Variants in ZFAT observed in about 807,000 individuals in gnomAD.
The protein encoded by ZFAT is zinc finger protein ZFAT.
In ZFAT, 64 loss-of-function variants were observed where a neutral mutation model predicts 117.7. The ratio of observed to expected loss-of-function variants is 0.54; its 90% CI spans 0.44 to 0.67. The LOEUF (loss-of-function observed/expected upper bound fraction) is 0.67, where lower values mean the gene tolerates loss of function less well. Among genes scored for constraint, ZFAT ranks in the 30% least tolerant of loss-of-function variants. The probability of loss-of-function intolerance (pLI) is 0.00; values close to 1 mark genes in which losing one functional copy is unlikely to be tolerated. For synonymous variants in ZFAT, 679 were observed against 615.0 expected (o/e 1.10, Z -1.54); for missense variants, 1,433 against 1,584.5 (o/e 0.90, Z 1.62).
At chr8:134,745,057 G>A in the ZFAT span, among the ~76,000 whole-genome samples, 10 of 152,058 alleles carry the variant, frequency 6.6e-5, no homozygotes, top group South Asian at 4.2e-4. Context: ...GTAAGGGCTC[G>A]TCTAATTTGC....
chr8:134,648,448 A>T (rs1406482930), intron 2 of ZFAT, among the ~76,000 whole-genome samples: 2 of 152,066 alleles, frequency 1.3e-5, no homozygotes, highest in African/African-American at 4.8e-5. Flanking sequence ...GCAAGACCTA[A>T]TTTGTTAAAA....
intron 7 of ZFAT, among the ~76,000 whole-genome samples, chr8:134,590,797 C>G (rs143589930): frequency 7.2e-5 from 4 of 55,354 alleles, no homozygotes; most frequent in Admixed American, 2.9e-4. Context: ...GCCACCATCA[C>G]CACCACCACC....
At position 134,586,463 on chromosome 8, in the gene ZFAT, G is replaced by A. The variant is rs540341150; in HGVS notation, c.2713+1783C>T. On this transcript the variant is annotated intron_variant, in intron 9 of 15. Transcript: ENST00000377838. ...TGGAATTATTTGTCCATCATACATG[G>A]TGAGGGTGGGATTTGAACCCAGTTC... Among the ~76,000 whole-genome samples, 69 of 152,282 alleles carry A rather than the reference G, an allele frequency of 4.5e-4. No individual in the cohort carries two copies. In the South Asian group the frequency reaches 0.014, roughly 31 times the overall value.
the ZFAT span, among the ~76,000 whole-genome samples, chr8:134,810,908 T>C: frequency 6.6e-6 from 1 of 152,122 alleles, no homozygotes; most frequent in Non-Finnish European, 1.5e-5. Flanking sequence ...GTTCTTCAGT[T>C]ATATTTGACA....
chr8:134,638,166 G>C (rs1011458374), intron 2 of ZFAT, among the ~76,000 whole-genome samples: 1 of 152,100 alleles, frequency 6.6e-6, no homozygotes, highest in Non-Finnish European at 1.5e-5. Flanking sequence ...ATTTCAAGGA[G>C]TCATAATTAT....
chr8:134,726,646 G>A, the ZFAT span, among the ~76,000 whole-genome samples: 1 of 152,158 alleles, frequency 6.6e-6, no homozygotes, highest in African/African-American at 2.4e-5. Context: ...CCCAGTTGGA[G>A]TGCAGTGCTG....
chr8:134,601,893 T>A lies in ZFAT; in HGVS notation c.1826A>T (p.His609Leu), dbSNP rs773560983. 4 of 1,613,696 alleles carry A rather than the reference T, an allele frequency of 2.5e-6. No individual in the cohort carries two copies. The highest frequency in any genetic ancestry group is 3.4e-6 in the Non-Finnish European group (4 of 1,179,892). The change falls in exon 6 of 16, where the codon CAT becomes CTT. Residue 609 changes from histidine (H) to leucine (L), a missense_variant. Around this residue, in one of 5 missense-constraint regions of ZFAT, gnomAD observed 372 missense variants for 355.6 expected, o/e 1.05. Coordinates refer to ENST00000377838, the MANE Select transcript of ZFAT (RefSeq NM_020863.4). The part of the protein sequence containing the change: ...LKNDTSSAEA[H>L]AAPEKPPDMQ... ...GTCTGGGGGCTTCTCAGGAGCAGCA[T>A]GAGCCTCTGCGGAGGAGGTATCATT... is the stretch of plus-strand genomic sequence containing the variant.
At chr8:134,756,414 C>T in the ZFAT span, among the ~76,000 whole-genome samples, 7 of 152,234 alleles carry the variant, frequency 4.6e-5, no homozygotes, top group Admixed American at 3.9e-4. Context: ...AACACAGTCA[C>T]GGAGTGAGTA....
chr8:134,691,845 C>T (rs566253439), intron 1 of ZFAT, among the ~76,000 whole-genome samples: 5 of 152,292 alleles, frequency 3.3e-5, no homozygotes, highest in Admixed American at 3.3e-4. Context: ...CATGTTAAAG[C>T]TATAAAAGAT....
intron 1 of ZFAT, among the ~76,000 whole-genome samples, chr8:134,665,853 C>CT (rs1319950713): frequency 6.6e-6 from 1 of 152,204 alleles, no homozygotes. Flanking sequence ...CCATACCCCT[C>CT]TGCCTCCCCT....
chr8:134,670,571 C>T (rs1832509509), intron 1 of ZFAT, among the ~76,000 whole-genome samples: 1 of 152,214 alleles, frequency 6.6e-6, no homozygotes, highest in South Asian at 2.1e-4. Context: ...AAAGACACAA[C>T]ATACCAGAAT....
chr8:134,624,668 G>A (rs1024946114), intron 3 of ZFAT, among the ~76,000 whole-genome samples: 3 of 152,056 alleles, frequency 2.0e-5, no homozygotes, highest in African/African-American at 7.2e-5. Flanking sequence ...AAAAAAATAG[G>A]AGGGGTCCTG....
intron 11 of ZFAT, among the ~76,000 whole-genome samples, chr8:134,563,455 A>G (rs1374857825): frequency 6.6e-6 from 1 of 152,168 alleles, no homozygotes; most frequent in Non-Finnish European, 1.5e-5. Context: ...CTGACACTCA[A>G]TGTCTTCAAC....
chr8:134,617,090 C>T (rs1405137624), intron 3 of ZFAT, among the ~76,000 whole-genome samples: 1 of 152,178 alleles, frequency 6.6e-6, no homozygotes, highest in African/African-American at 2.4e-5. Context: ...TCTTGGCAGC[C>T]ACCCTGATGG....
Position 134,600,420 on chromosome 8 carries a change from T to C in ZFAT, c.2475+16A>G. ...ACCCAGGGGAGACGGGGCTGCCGCT[T>C]GGGCTTGCTACTTACCAGTGCTGTG... On this transcript the variant is annotated intron_variant, in intron 7 of 15. Coordinates refer to ENST00000377838, the MANE Select transcript of ZFAT (RefSeq NM_020863.4). 6.2e-7 allele frequency: 1 copy of C among 1,611,292 alleles called. No individual in the cohort carries two copies. The highest frequency in any genetic ancestry group is 8.5e-7 in the Non-Finnish European group (1 of 1,177,360).
chr8:134,819,092 T>C, the ZFAT span, among the ~76,000 whole-genome samples: 39 of 152,276 alleles, frequency 2.6e-4, no homozygotes, highest in African/African-American at 8.7e-4. Flanking sequence ...TCAATAAAAA[T>C]AGAGACTTGC....
the ZFAT span, among the ~76,000 whole-genome samples, chr8:134,737,861 A>G: frequency 6.6e-6 from 1 of 152,160 alleles, no homozygotes; most frequent in Non-Finnish European, 1.5e-5. Context: ...GGGTTTTTCA[A>G]TCCTGCTTAA....
the ZFAT span, among the ~76,000 whole-genome samples, chr8:134,827,498 G>A: frequency 2.0e-5 from 3 of 151,934 alleles, no homozygotes; most frequent in African/African-American, 7.3e-5. Context: ...GGCTGGGCAC[G>A]GGCTAACACC....
At chr8:134,662,385 A>G (rs1831976443) in intron 1 of ZFAT, among the ~76,000 whole-genome samples, 1 of 152,230 alleles carries the variant, frequency 6.6e-6, no homozygotes, top group Non-Finnish European at 1.5e-5. Flanking sequence ...GAAGGCCCTT[A>G]GGGAGAAGGT....
Sources: gnomAD v4.1 joint callset for allele counts (sites outside exome capture counted in the v4.1 genomes callset) on GRCh38, gnomAD v4.1.1 for gene constraint, gnomAD v4.1.1 regional missense constraint, MANE v1.5 for transcripts, NCBI Gene and HGNC (gene_info 2026-07-23, HGNC 2026-07-21) for gene names.